PHYHIPL: variants seen among roughly 807,000 people sequenced by gnomAD.
PHYHIPL encodes phytanoyl-CoA 2-hydroxylase interacting protein like, also known as phytanoyl-CoA hydroxylase-interacting protein-like.
Under a neutral mutation model 33.4 loss-of-function variants are expected in PHYHIPL, and 9 were observed. That is an observed-to-expected ratio of 0.27 (90% CI 0.16 to 0.47). The LOEUF (loss-of-function observed/expected upper bound fraction) is 0.47. Among genes scored for constraint, PHYHIPL ranks in the 20% least tolerant of loss-of-function variants. The pLI, the probability that PHYHIPL is intolerant of heterozygous loss-of-function variation, is 0.99. For synonymous variants in PHYHIPL, 153 were observed against 154.1 expected (o/e 0.99, Z 0.05); for missense variants, 365 against 460.7 (o/e 0.79, Z 1.90).
chr10:59,245,686 A>G lies in PHYHIPL; in HGVS notation c.*95A>G. ...TTTATCACCAGATGTTTTCCACTGA[A>G]GCATGCACATGCCACTGTCACCAAA... On this transcript the variant is annotated 3_prime_UTR_variant, in exon 5 of 5. Coordinates refer to ENST00000373880, the MANE Select transcript of PHYHIPL (RefSeq NM_032439.4). 1 of 1,326,694 alleles carries G rather than the reference A, an allele frequency of 7.5e-7. No individual in the cohort carries two copies. Among genetic ancestry groups the G allele is most frequent in the Non-Finnish European group, 1.0e-6 (1 of 975,532 alleles). 82.2% of individuals were successfully genotyped at this position (1,326,694 alleles called of 1,614,324 possible).
At chr10:59,215,177 C>A (rs895379608) in intron 1 of PHYHIPL, among the ~76,000 whole-genome samples, 3 of 151,870 alleles carry the variant, frequency 2.0e-5, no homozygotes, top group Non-Finnish European at 2.9e-5. Context: ...CAGGATTTAC[C>A]CATATAATGT....
At position 59,185,534 on chromosome 10, in the gene PHYHIPL, C is replaced by T. The variant is rs979657933; in HGVS notation, c.106+8575C>T. On this transcript the variant is annotated intron_variant, in intron 1 of 4. Transcript: ENST00000373880. ...TTCTAATTCTAGATCCCTGAGGAAT[C>T]GCCACACTGACTTCCACAATGGTTG... Among the ~76,000 whole-genome samples the T allele has an allele frequency of 8.7e-4, 132 of 152,262 alleles. 3 individuals carry two copies. The highest frequency in any genetic ancestry group is 1.3e-3 in the Non-Finnish European group (91 of 68,034).
intron 1 of PHYHIPL, among the ~76,000 whole-genome samples, chr10:59,201,036 GT>G (rs1263047735): frequency 6.6e-6 from 1 of 152,110 alleles, no homozygotes; most frequent in African/African-American, 2.4e-5. Context: ...ATTTCGAAGG[GT>G]TTTTTGTGTC....
At chr10:59,232,573 A>C (rs1282764843) in intron 1 of PHYHIPL, among the ~76,000 whole-genome samples, 9 of 152,000 alleles carry the variant, frequency 5.9e-5, no homozygotes, top group Non-Finnish European at 1.5e-5. Context: ...AATGCAAAAA[A>C]TATTAATAGT....
At chr10:59,200,227 T>A (rs1839057697) in intron 1 of PHYHIPL, among the ~76,000 whole-genome samples, 1 of 152,186 alleles carries the variant, frequency 6.6e-6, no homozygotes, top group Admixed American at 6.6e-5. Flanking sequence ...TTGAGATACA[T>A]CCCATCAATA....
chr10:59,204,387 T>G (rs982216995), intron 1 of PHYHIPL, among the ~76,000 whole-genome samples: 1 of 152,158 alleles, frequency 6.6e-6, no homozygotes, highest in Non-Finnish European at 1.5e-5. Flanking sequence ...TTAAATAAAG[T>G]TATATTTTAT....
chr10:59,218,687 G>A (rs965309890), intron 1 of PHYHIPL, among the ~76,000 whole-genome samples: 1 of 128,442 alleles, frequency 7.8e-6, no homozygotes, highest in Admixed American at 7.3e-5. Context: ...GAGTGATCTT[G>A]GTCTGATATA....
chr10:59,177,703 C>G, intron 1 of PHYHIPL: 2 of 1,453,226 alleles, frequency 1.4e-6, no homozygotes, highest in Non-Finnish European at 1.9e-6. Flanking sequence ...TGATTGAATA[C>G]AGGTCTGAGC....
At chr10:59,242,424 CAGG>C (rs1486035165) in intron 4 of PHYHIPL, among the ~76,000 whole-genome samples, 1 of 95,622 alleles carries the variant, frequency 1.0e-5, no homozygotes, top group African/African-American at 6.8e-5. Context: ...GGTAGATAGT[CAGG>C]AGGAGGCCTG....
In PHYHIPL at chr10:59,247,042, GAAA is replaced by G; in HGVS notation, c.*1456_*1458del. On this transcript the variant is annotated 3_prime_UTR_variant, in exon 5 of 5. Coordinates refer to ENST00000373880, the MANE Select transcript of PHYHIPL (RefSeq NM_032439.4). ...ATAATGTGTTATTTTTATAGAGAAA[GAAA>G]AAAATAGCAACACAATCTAGTTTAT... is the stretch of plus-strand genomic sequence containing the variant. The G allele has an allele frequency of 6.3e-6, 1 of 158,714 alleles. No homozygotes were observed. The highest frequency in any genetic ancestry group is 6.5e-5 in the Admixed American group (1 of 15,430). The allele number at this position is 158,714 out of a possible 1,614,324, so 9.8% of individuals were successfully genotyped here.
chr10:59,234,450 A>G lies in PHYHIPL; in HGVS notation c.253A>G (p.Ile85Val). The G allele has an allele frequency of 6.3e-7, 1 of 1,587,426 alleles. No homozygotes were observed. Among genetic ancestry groups the G allele is most frequent in the South Asian group, 1.2e-5 (1 of 85,888 alleles). Reference sequence around the variant, plus strand: ...AAAGGATCGCATTACACACTATTTTATTGACCTCAACAAGAAAGAGAACAA... The same window carrying G: ...AAAGGATCGCATTACACACTATTTTGTTGACCTCAACAAGAAAGAGAACAA... Reference protein sequence around the residue: ...KSKDRITHYFIDLNKKENKNS... With the variant: ...KSKDRITHYFVDLNKKENKNS... The change falls in exon 2 of 5, where the codon ATT becomes GTT. Residue 85 changes from isoleucine (I) to valine (V), a missense_variant. By Grantham distance (29) the Ile-to-Val change is conservative (BLOSUM62 3). Around this residue, in one of 4 missense-constraint regions of PHYHIPL, gnomAD observed 63 missense variants for 119.3 expected, o/e 0.53. Transcript: ENST00000373880.
At chr10:59,227,975 G>GAT (rs1554799094) in intron 1 of PHYHIPL, among the ~76,000 whole-genome samples, 30 of 145,564 alleles carry the variant, frequency 2.1e-4, no homozygotes, top group South Asian at 1.8e-3. Context: ...TGCCTATTGA[G>GAT]ATATATATAT....
At chr10:59,197,752 G>C (rs1007381109) in intron 1 of PHYHIPL, among the ~76,000 whole-genome samples, 9 of 152,074 alleles carry the variant, frequency 5.9e-5, no homozygotes, top group Non-Finnish European at 1.5e-5. Flanking sequence ...AACAATTCCA[G>C]GGCCTACTTT....
intron 1 of PHYHIPL, chr10:59,177,600 G>A: frequency 6.4e-7 from 1 of 1,551,652 alleles, no homozygotes. Flanking sequence ...TATGTGCTGT[G>A]ATTCAGACTT....
At position 59,245,191 on chromosome 10, in the gene PHYHIPL, A is replaced by G. The variant is rs750402310; in HGVS notation, c.731A>G (p.Asp244Gly). Residue 244 changes from aspartate to glycine, a missense_variant, in exon 5 of 5, where the codon GAT becomes GGT. Physicochemically the swap from Asp to Gly is moderately conservative, Grantham distance 94. Transcript: ENST00000373880. Reference sequence around the variant, plus strand: ...TTCAATACTGGAAAGCCACCCCAGGATTCACCTTATGGAAGATACAGGTTT... The same window carrying G: ...TTCAATACTGGAAAGCCACCCCAGGGTTCACCTTATGGAAGATACAGGTTT... ...TEFNTGKPPQ[D>G]SPYGRYRFEI... 6.2e-7 allele frequency: 1 copy of G among 1,614,166 alleles called. No homozygotes were observed. Among genetic ancestry groups the G allele is most frequent in the Non-Finnish European group, 8.5e-7 (1 of 1,180,018 alleles).
chr10:59,216,892 A>G (rs114660086), intron 1 of PHYHIPL, among the ~76,000 whole-genome samples: 49 of 152,284 alleles, frequency 3.2e-4, no homozygotes, highest in African/African-American at 1.1e-3. Context: ...AGCGCAAACT[A>G]TAGTCTCATT....
chr10:59,199,216 C>T (rs1193866248), intron 1 of PHYHIPL, among the ~76,000 whole-genome samples: 3 of 152,176 alleles, frequency 2.0e-5, no homozygotes, highest in Admixed American at 6.5e-5. Flanking sequence ...TTTAATCCAT[C>T]TTGAACTAAT....
chr10:59,185,094 C>A (rs1838543841), intron 1 of PHYHIPL, among the ~76,000 whole-genome samples: 2 of 149,646 alleles, frequency 1.3e-5, no homozygotes, highest in Non-Finnish European at 3.0e-5. Context: ...AGGTTCACGC[C>A]ATTCTCCTGC....
intron 1 of PHYHIPL, among the ~76,000 whole-genome samples, chr10:59,197,597 G>A (rs927616474): frequency 1.3e-5 from 2 of 151,940 alleles, no homozygotes; most frequent in Admixed American, 1.3e-4. Flanking sequence ...GTACCTTTGT[G>A]CCAGGGCCAG....
Sources: gnomAD v4.1 joint callset for allele counts (sites outside exome capture counted in the v4.1 genomes callset) on GRCh38, gnomAD v4.1.1 for gene constraint, gnomAD v4.1.1 regional missense constraint, MANE v1.5 for transcripts, NCBI Gene and HGNC (gene_info 2026-07-23, HGNC 2026-07-21) for gene names.